Variants in SPINK5 observed in about 807,000 individuals in gnomAD.
SPINK5 encodes the protein serine protease inhibitor Kazal-type 5.
SPINK5 carries 125 observed loss-of-function variants against 151.8 expected under a neutral mutation model. That is an observed-to-expected ratio of 0.82 (90% confidence interval 0.71 to 0.96). The LOEUF (loss-of-function observed/expected upper bound fraction) is 0.96. SPINK5 is among the 40% of genes least tolerant of loss of function. The pLI, the probability that SPINK5 is intolerant of heterozygous loss-of-function variation, is 0.00. For synonymous variants in SPINK5, 374 were observed against 395.3 expected, an observed-to-expected ratio of 0.95 and a Z score of 0.64; for missense variants, 1,194 against 1,291.9, an observed-to-expected ratio of 0.92 and a Z score of 1.16.
At chr5:148,131,446 G>A in intron 31 of SPINK5, 57 bp downstream of exon 31, 1 of 1,609,282 alleles carries the variant, frequency 6.2e-7, no homozygotes, top group Non-Finnish European at 8.5e-7. Context: ...CAGCTAGAGT[G>A]TTAACCCATA....
Position 148,094,359 on chromosome 5 carries a change from T to C in SPINK5, c.672T>C (p.Phe224=). 1 of 1,612,374 alleles carries C rather than the reference T, an allele frequency of 6.2e-7. No homozygotes were observed. The highest frequency in any genetic ancestry group is 1.3e-5 in the African/African-American group (1 of 74,894). The change falls in exon 9 of 33, where the codon TTT becomes TTC. Residue 224 remains phenylalanine, a synonymous_variant. Transcript: ENST00000256084. Reference sequence around the variant, plus strand: ...ATATAATTGTCTTTTCAAAGGATTTTTGCAAGGAATATGAAAAACAAGTGA... The same window carrying C: ...ATATAATTGTCTTTTCAAAGGATTTCTGCAAGGAATATGAAAAACAAGTGA... ...TRIRRNAEKD[F]CKEYEKQVRN... is the part of the protein sequence containing the mutation.
chr5:148,079,012 G>A (rs1355302173), intron 4 of SPINK5, among the ~76,000 whole-genome samples: 1 of 150,852 alleles, frequency 6.6e-6, no homozygotes, highest in African/African-American at 2.4e-5. Context: ...CAACAAACCT[G>A]ACAAACCCTT....
intron 3 of SPINK5, among the ~76,000 whole-genome samples, chr5:148,071,113 T>C (rs1752727535): frequency 6.6e-6 from 1 of 152,140 alleles, no homozygotes; most frequent in African/African-American, 2.4e-5. Flanking sequence ...GGGTTATCAA[T>C]TGCAAATCCT....
intron 24 of SPINK5, 103 bp downstream of exon 24, chr5:148,119,161 GC>G: frequency 8.6e-7 from 1 of 1,160,208 alleles, no homozygotes; most frequent in Non-Finnish European, 1.3e-6. Flanking sequence ...GCTAGAGCTT[GC>G]CCTTAGAAGG....
rs1348461561 is a variant in SPINK5, at chr5:148,131,282, C to A, written c.2988C>A (p.Tyr996Ter). ...SSLDSEMCKD[Y>*]RVLPRIGYLC... ...AGGATTCTGAGATGTGCAAAGACTA[C>A]CGAGTATTGCCCAGGATAGGTTATC... The change falls in exon 31 of 33, where the codon TAC becomes TAA. Residue 996 changes from tyrosine (Y) to a stop codon, truncating the protein, a stop_gained. Coordinates refer to ENST00000256084, the MANE Select transcript of SPINK5 (RefSeq NM_006846.4). LOFTEE classifies it high-confidence loss of function. The A allele has an allele frequency of 6.2e-7, 1 of 1,613,804 alleles. No individual in the cohort carries two copies. Among genetic ancestry groups the A allele is most frequent in the Admixed American group, 1.7e-5 (1 of 60,008 alleles).
intron 3 of SPINK5, among the ~76,000 whole-genome samples, chr5:148,070,866 C>T (rs746342193): frequency 3.3e-5 from 5 of 152,006 alleles, no homozygotes; most frequent in South Asian, 2.1e-4. Flanking sequence ...CAGACTCTCC[C>T]GTGACAGCCA....
chr5:148,113,968 A>G (rs1385526082), intron 20 of SPINK5, among the ~76,000 whole-genome samples: 2 of 152,218 alleles, frequency 1.3e-5, no homozygotes, highest in Non-Finnish European at 2.9e-5. Context: ...TTGAATTTCA[A>G]CTTGAACTAA....
At chr5:148,133,541 C>A (rs1428129265) in intron 31 of SPINK5, among the ~76,000 whole-genome samples, 3 of 152,110 alleles carry the variant, frequency 2.0e-5, no homozygotes, top group African/African-American at 7.2e-5. Flanking sequence ...AAGTTTATTT[C>A]CAACATTCTC....
chr5:148,081,386 A>G (rs191144468), intron 4 of SPINK5, among the ~76,000 whole-genome samples: 131 of 151,894 alleles, frequency 8.6e-4, no homozygotes, highest in South Asian at 1.7e-3. Flanking sequence ...CCACTGGTGA[A>G]TTGATAAACA....
At chr5:148,136,443 G>C (rs934064442) in intron 32 of SPINK5, among the ~76,000 whole-genome samples, 2 of 152,042 alleles carry the variant, frequency 1.3e-5, no homozygotes, top group African/African-American at 4.8e-5. Flanking sequence ...GCAGTTATGT[G>C]AAAGAAAACT....
intron 6 of SPINK5, 70 bp from the exon 7 acceptor site, chr5:148,089,424 A>C: frequency 6.2e-7 from 1 of 1,608,612 alleles, no homozygotes; most frequent in Admixed American, 1.7e-5. Flanking sequence ...GAGTTCAATA[A>C]AATTTCTGAA....
Position 148,107,174 on chromosome 5 carries a change from C to A in SPINK5, c.1607+10C>A. On this transcript the variant is annotated intron_variant, in intron 17 of 32. Coordinates refer to ENST00000256084, the MANE Select transcript of SPINK5 (RefSeq NM_006846.4). ...TGTGTGCCAGTGTGTTGTGAGTGTCCACCCCATCTCTCCCACTGAATTTCT... is the reference window on the plus strand; with the variant it reads ...TGTGTGCCAGTGTGTTGTGAGTGTCAACCCCATCTCTCCCACTGAATTTCT... 1 of 1,610,222 alleles carries A rather than the reference C, an allele frequency of 6.2e-7. No homozygotes were observed. The highest frequency in any genetic ancestry group is 1.1e-5 in the South Asian group (1 of 90,910).
At chr5:148,085,713 G>A (rs1283623586) in intron 4 of SPINK5, among the ~76,000 whole-genome samples, 5 of 151,726 alleles carry the variant, frequency 3.3e-5, no homozygotes, top group African/African-American at 1.2e-4. Flanking sequence ...AGAGATTTGG[G>A]CTTTCTCCTG....
At chr5:148,105,041 T>A in intron 16 of SPINK5, 41 bp downstream of exon 16, 1 of 1,592,950 alleles carries the variant, frequency 6.3e-7, no homozygotes, top group Non-Finnish European at 8.6e-7. Flanking sequence ...CCTGACATTT[T>A]TCATTTCTTT....
chr5:148,090,839 A>G (rs1334554011), intron 7 of SPINK5: 1 of 271,066 alleles, frequency 3.7e-6, no homozygotes, highest in Non-Finnish European at 7.0e-6. Flanking sequence ...CTGTTTGTCA[A>G]TCAAGGTGTC....
chr5:148,133,660 T>C (rs1460020253), intron 31 of SPINK5, 137 bp from the exon 32 acceptor site: 2 of 776,794 alleles, frequency 2.6e-6, no homozygotes, highest in East Asian at 2.7e-5. Context: ...ATGAAAGTAG[T>C]TGAATGCAGA....
At chr5:148,064,332 T>C (rs1015658785) in intron 1 of SPINK5, among the ~76,000 whole-genome samples, 4 of 152,226 alleles carry the variant, frequency 2.6e-5, no homozygotes, top group Admixed American at 6.5e-5. Context: ...CCATGAGAAA[T>C]TCTTCCATTA....
chr5:148,096,140 A>G (rs1489288507), intron 10 of SPINK5, among the ~76,000 whole-genome samples: 1 of 151,994 alleles, frequency 6.6e-6, no homozygotes, highest in Non-Finnish European at 1.5e-5. Flanking sequence ...TCACATTAAT[A>G]ATGTAGTTTT....
At chr5:148,089,388 T>C (rs1025584025) in intron 6 of SPINK5, 106 bp from the exon 7 acceptor site, 9 of 1,447,138 alleles carry the variant, frequency 6.2e-6, no homozygotes, top group Non-Finnish European at 8.7e-6. Flanking sequence ...CTGCTCTAAG[T>C]GGCCCATAGC....
Sources: gnomAD v4.1 joint callset for allele counts (sites outside exome capture counted in the v4.1 genomes callset) on GRCh38, gnomAD v4.1.1 for gene constraint, MANE v1.5 for transcripts, NCBI Gene and HGNC (gene_info 2026-07-23, HGNC 2026-07-21) for gene names.